Variants in CSGALNACT1 observed in about 807,000 individuals in gnomAD.
CSGALNACT1 encodes chondroitin sulfate N-acetylgalactosaminyltransferase 1, also known as beta4GalNAcT-1.
Under a neutral mutation model 51.0 loss-of-function variants are expected in CSGALNACT1, and 52 were observed. That is an observed-to-expected ratio of 1.02 (90% confidence interval 0.82 to 1.29). The LOEUF is 1.29. CSGALNACT1 is among the 50% of genes most tolerant of loss of function. The pLI is 0.00. For missense variants in CSGALNACT1, 935 were observed against 679.2 expected (o/e 1.38, Z -4.19); for synonymous variants, 341 against 254.4 (o/e 1.34, Z -3.24).
At chr8:19,480,359 G>A (rs1009527788) in intron 4 of CSGALNACT1, among the ~76,000 whole-genome samples, 5 of 152,170 alleles carry the variant, frequency 3.3e-5, no homozygotes, top group African/African-American at 9.7e-5. Flanking sequence ...GTGAGAACAC[G>A]CAGTATTTGG....
chr8:19,445,526 A>G (rs1254206613), intron 5 of CSGALNACT1, among the ~76,000 whole-genome samples: 1 of 152,220 alleles, frequency 6.6e-6, no homozygotes, highest in Non-Finnish European at 1.5e-5. Flanking sequence ...TCTACCTCCA[A>G]GGTTCCGTTG....
exon 10 of CSGALNACT1, chr8:19,404,606 CAA>C (rs1563228121): frequency 2.9e-5 from 7 of 239,554 alleles, no homozygotes; most frequent in East Asian, 2.6e-4. Context: ...TGATCTTTCA[CAA>C]TATATATATA....
intron 5 of CSGALNACT1, 31 bp from the exon 5 acceptor site, chr8:19,439,962 C>A (rs1260335408): frequency 1.9e-6 from 3 of 1,556,684 alleles, no homozygotes; most frequent in Admixed American, 3.3e-5. Flanking sequence ...ATGTCTGGCA[C>A]CTGTTTTCAC....
chr8:19,575,964 G>T (rs901012011), intron 3 of CSGALNACT1, among the ~76,000 whole-genome samples: 14 of 152,008 alleles, frequency 9.2e-5, no homozygotes, highest in Non-Finnish European at 1.9e-4. Context: ...TCAATCTTAT[G>T]CCCAATTCTA....
chr8:19,598,421 AT>A (rs552506083), intron 2 of CSGALNACT1, among the ~76,000 whole-genome samples: 1 of 152,228 alleles, frequency 6.6e-6, no homozygotes, highest in South Asian at 2.1e-4. Flanking sequence ...CAACGAAAAT[AT>A]TTTAAAAGTC....
At chr8:19,464,748 A>G (rs1284448176) in intron 4 of CSGALNACT1, among the ~76,000 whole-genome samples, 1 of 152,110 alleles carries the variant, frequency 6.6e-6, no homozygotes, top group East Asian at 1.9e-4. Context: ...ATGATCTGAG[A>G]TGTAACAGTT....
upstream of CSGALNACT1, among the ~76,000 whole-genome samples, chr8:19,603,370 G>T (rs1344022966): frequency 6.6e-6 from 1 of 152,172 alleles, no homozygotes; most frequent in Non-Finnish European, 1.5e-5. Flanking sequence ...TTCACTGTGG[G>T]TTTACTGTTG....
chr8:19,590,493 G>A (rs149706466), intron 3 of CSGALNACT1, among the ~76,000 whole-genome samples: 356 of 152,196 alleles, frequency 2.3e-3, no homozygotes, highest in Non-Finnish European at 4.0e-3. Context: ...GAGACATCGC[G>A]CAGTGCTCAA....
chr8:19,428,205 C>T lies in CSGALNACT1; in HGVS notation c.954-7687G>A, dbSNP rs190636784. ...GTTTCCCACACAATACCCGAATGTA[C>T]ACCAGCATCGGAGTCTGTATCAGTC... On this transcript the variant is annotated intron_variant, in intron 6 of 9. Transcript: ENST00000454498. 9.8e-5 allele frequency among the ~76,000 whole-genome samples: 15 copies of T among 152,302 alleles called. No homozygotes were observed. The East Asian group carries it at 2.9e-3, about 29-fold the overall frequency.
At chr8:19,433,542 A>T (rs557787690) in intron 6 of CSGALNACT1, among the ~76,000 whole-genome samples, 2 of 152,334 alleles carry the variant, frequency 1.3e-5, no homozygotes, top group Non-Finnish European at 2.9e-5. Context: ...AACACTTCCT[A>T]TAATTGTTTT....
intron 3 of CSGALNACT1, among the ~76,000 whole-genome samples, chr8:19,544,156 C>T (rs1169338460): frequency 6.6e-6 from 1 of 151,738 alleles, no homozygotes; most frequent in Non-Finnish European, 1.5e-5. Flanking sequence ...AAGGACATGG[C>T]TGTCAAACTA....
intron 1 of CSGALNACT1, among the ~76,000 whole-genome samples, chr8:19,756,125 C>A (rs1315480653): frequency 6.6e-6 from 1 of 152,128 alleles, no homozygotes; most frequent in African/African-American, 2.4e-5. Flanking sequence ...CTGCACAGGG[C>A]TTATTAATGC....
intron 3 of CSGALNACT1, among the ~76,000 whole-genome samples, chr8:19,558,741 T>G (rs2040038858): frequency 6.6e-6 from 1 of 152,168 alleles, no homozygotes; most frequent in South Asian, 2.1e-4. Flanking sequence ...CTTTTCACAC[T>G]GACATTTAAT....
At chr8:19,507,869 C>T (rs541530950) in intron 3 of CSGALNACT1, among the ~76,000 whole-genome samples, 3 of 152,306 alleles carry the variant, frequency 2.0e-5, no homozygotes, top group South Asian at 2.1e-4. Context: ...CCTTGTGATC[C>T]GCCCGCCTCG....
intron 5 of CSGALNACT1, among the ~76,000 whole-genome samples, chr8:19,458,122 A>C (rs1026894399): frequency 6.6e-6 from 1 of 152,104 alleles, no homozygotes; most frequent in Non-Finnish European, 1.5e-5. Context: ...GCTATCCCCA[A>C]ACCTGAGCCC....
intron 3 of CSGALNACT1, among the ~76,000 whole-genome samples, chr8:19,513,715 G>C (rs146049565): frequency 9.5e-4 from 144 of 151,974 alleles, no homozygotes; most frequent in Middle Eastern, 6.8e-3. Flanking sequence ...GGGCCATATG[G>C]TATAGCCTAT....
chr8:19,406,045 C>G lies in CSGALNACT1; in HGVS notation c.1334G>C (p.Gly445Ala), dbSNP rs948601223. 4.3e-6 allele frequency: 7 copies of G among 1,614,066 alleles called. No individual in the cohort carries two copies. The highest frequency in any genetic ancestry group is 1.3e-5 in the African/African-American group (1 of 74,920). The change falls in exon 10 of 10, where the codon GGC (glycine) becomes GCC (alanine). Residue 445 changes from glycine to alanine, a missense_variant. Gly to Ala is a moderately conservative substitution (Grantham distance 60). Coordinates refer to ENST00000454498, the Ensembl canonical transcript of CSGALNACT1. ...AAGGTGCACATCCTCTCCGCCCCAGCCTTTGATGTCCAGATCAAACCCACC... is the reference window on the plus strand; with the variant it reads ...AAGGTGCACATCCTCTCCGCCCCAGGCTTTGATGTCCAGATCAAACCCACC...
rs1335982988 is a variant in CSGALNACT1 at position 19,628,804 on chromosome 8, C to CA, written c.-543-26940dup. On this transcript the variant is annotated intron_variant, in intron 1 of 9. Transcript: ENST00000332246. Reference sequence around the variant, plus strand: ...TCCAATAAGCAATATTTTTTAAGGACAAAAAAAGAAAAGCAGGACAAACAG... The same window carrying CA: ...TCCAATAAGCAATATTTTTTAAGGACAAAAAAAAGAAAAGCAGGACAAACAG... Among the ~76,000 whole-genome samples, 4 of 150,576 alleles carry CA rather than the reference C, an allele frequency of 2.7e-5. No individual in the cohort carries two copies. The East Asian group carries it at 5.9e-4, about 22-fold the overall frequency.
intron 8 of CSGALNACT1, among the ~76,000 whole-genome samples, chr8:19,410,332 A>G (rs1013032164): frequency 6.6e-6 from 1 of 152,226 alleles, no homozygotes; most frequent in East Asian, 1.9e-4. Flanking sequence ...CAAAGTCTGG[A>G]AAAGTCTCCA....
Sources: gnomAD v4.1 joint callset for allele counts (sites outside exome capture counted in the v4.1 genomes callset) on GRCh38, gnomAD v4.1.1 for gene constraint, MANE v1.5 for transcripts, NCBI Gene and HGNC (gene_info 2026-07-23, HGNC 2026-07-21) for gene names.